IMMP2L: variants seen among roughly 807,000 people sequenced by gnomAD.
The protein encoded by IMMP2L is mitochondrial inner membrane protease subunit 2.
A neutral mutation model predicts 19.3 loss-of-function variants in IMMP2L; 18 were observed. The observed-to-expected ratio is 0.93, with a 90% CI of 0.64 to 1.38. The LOEUF is 1.38. IMMP2L is among the 40% of genes most tolerant of loss of function. The pLI is 0.00. For missense variants in IMMP2L, 233 were observed against 218.2 expected, an observed-to-expected ratio of 1.07 and a Z score of -0.43; for synonymous variants, 76 against 73.0, an observed-to-expected ratio of 1.04 and a Z score of -0.21.
At chr7:110,979,702 A>C (rs768098272) in intron 3 of IMMP2L, among the ~76,000 whole-genome samples, 5 of 152,056 alleles carry the variant, frequency 3.3e-5, no homozygotes, top group Non-Finnish European at 7.4e-5. Context: ...CAAAACAAAA[A>C]CAAAACCAAA....
At chr7:111,347,235 GT>G (rs995789245) in intron 3 of IMMP2L, among the ~76,000 whole-genome samples, 8 of 152,030 alleles carry the variant, frequency 5.3e-5, no homozygotes, top group African/African-American at 1.9e-4. Flanking sequence ...AATATGGAGT[GT>G]CAGCAGGGTA....
chr7:111,077,375 C>T (rs1226993611), intron 3 of IMMP2L, among the ~76,000 whole-genome samples: 2 of 152,168 alleles, frequency 1.3e-5, no homozygotes, highest in Non-Finnish European at 2.9e-5. Context: ...GGGCAACTTG[C>T]TCTTCTCTCG....
rs377752873 is a variant in IMMP2L at position 110,702,711 on chromosome 7, T to C, written c.409-38990A>G. 3.9e-5 allele frequency among the ~76,000 whole-genome samples: 6 copies of C among 152,300 alleles called. No homozygotes were observed. The East Asian group carries it at 9.7e-4, about 25-fold the overall frequency. On this transcript the variant is annotated intron_variant, in intron 5 of 5. Coordinates refer to ENST00000405709, the MANE Select transcript of IMMP2L (RefSeq NM_032549.4). ...ATGATTTAACATTTTCAATTTTCAA[T>C]TGTTTATTGCTAGTATAGAGAAACA... is the stretch of plus-strand genomic sequence containing the variant.
intron 3 of IMMP2L, among the ~76,000 whole-genome samples, chr7:110,967,299 T>C (rs1301075751): frequency 7.9e-5 from 12 of 152,006 alleles, no homozygotes; most frequent in African/African-American, 2.4e-4. Context: ...TTCACCCTGT[T>C]GGGAGCACTT....
At chr7:111,052,564 T>C (rs571178043) in intron 3 of IMMP2L, among the ~76,000 whole-genome samples, 2 of 152,332 alleles carry the variant, frequency 1.3e-5, no homozygotes, top group Non-Finnish European at 1.5e-5. Context: ...ATGTATACCT[T>C]ACTGTATTGA....
chr7:111,317,321 A>C (rs1257972806), intron 3 of IMMP2L, among the ~76,000 whole-genome samples: 1 of 152,166 alleles, frequency 6.6e-6, no homozygotes, highest in Non-Finnish European at 1.5e-5. Flanking sequence ...AAATAAATGA[A>C]GATTCTAATT....
At chr7:111,506,975 G>A (rs998518032) in intron 2 of IMMP2L, among the ~76,000 whole-genome samples, 6 of 152,062 alleles carry the variant, frequency 3.9e-5, no homozygotes, top group Non-Finnish European at 5.9e-5. Context: ...CCAAGTAGCT[G>A]GGACTACAGG....
chr7:110,969,384 C>A (rs1819901306), intron 3 of IMMP2L, among the ~76,000 whole-genome samples: 1 of 151,948 alleles, frequency 6.6e-6, no homozygotes, highest in Non-Finnish European at 1.5e-5. Context: ...AAACTATAGA[C>A]TTTAGTTGTT....
intron 3 of IMMP2L, among the ~76,000 whole-genome samples, chr7:111,035,012 TAC>T (rs554675370): frequency 1.9e-4 from 29 of 152,278 alleles, no homozygotes; most frequent in Admixed American, 1.5e-3. Context: ...CCTGTATGGT[TAC>T]AGTTTTTTAA....
chr7:111,507,545 T>TTTC (rs1845042894), intron 2 of IMMP2L, among the ~76,000 whole-genome samples: 1 of 152,112 alleles, frequency 6.6e-6, no homozygotes, highest in Non-Finnish European at 1.5e-5. Context: ...CTATTAACAG[T>TTTC]TGTTTGCCAT....
At chr7:111,028,951 C>T (rs1827132376) in intron 3 of IMMP2L, among the ~76,000 whole-genome samples, 1 of 152,112 alleles carries the variant, frequency 6.6e-6, no homozygotes. Context: ...ATCAGAAATA[C>T]ATCTAATGGA....
At chr7:110,831,241 T>C (rs1315349388) in intron 5 of IMMP2L, among the ~76,000 whole-genome samples, 1 of 152,156 alleles carries the variant, frequency 6.6e-6, no homozygotes, top group Non-Finnish European at 1.5e-5. Context: ...TCATCTTTCT[T>C]CTGCCTCCAT....
In IMMP2L at chr7:111,476,158, A is replaced by C. The variant is rs116683441; in HGVS notation, c.239+11080T>G. Among the ~76,000 whole-genome samples, 1,345 of 152,294 alleles carry C rather than the reference A, an allele frequency of 8.8e-3. 24 individuals are homozygous for C. The highest frequency in any genetic ancestry group is 0.031 in the African/African-American group (1,269 of 41,576). ...ATGCAATTGATCCAAGGAACAGTTA[A>C]AGTAACCTGTGCAGGGTCACTCAGC... On this transcript the variant is annotated intron_variant, in intron 3 of 5. Transcript: ENST00000405709.
At chr7:111,353,256 G>A (rs1828368109) in intron 3 of IMMP2L, among the ~76,000 whole-genome samples, 1 of 152,092 alleles carries the variant, frequency 6.6e-6, no homozygotes, top group South Asian at 2.1e-4. Flanking sequence ...ACTAAAGGGA[G>A]CTTCTATCAT....
At chr7:111,080,170 G>A (rs142586763) in intron 3 of IMMP2L, among the ~76,000 whole-genome samples, 1 of 152,294 alleles carries the variant, frequency 6.6e-6, no homozygotes, top group Non-Finnish European at 1.5e-5. Flanking sequence ...GATGCTTGGT[G>A]TTAATTGAAA....
At chr7:111,435,498 G>T (rs1837070064) in intron 3 of IMMP2L, among the ~76,000 whole-genome samples, 1 of 151,730 alleles carries the variant, frequency 6.6e-6, no homozygotes, top group Non-Finnish European at 1.5e-5. Context: ...CATACAGAGT[G>T]GAACAATGGA....
chr7:111,019,250 G>A (rs555970364), intron 3 of IMMP2L, among the ~76,000 whole-genome samples: 2 of 152,226 alleles, frequency 1.3e-5, no homozygotes, highest in Non-Finnish European at 2.9e-5. Context: ...GGGAACTAAA[G>A]GTGACTGTGA....
chr7:111,058,769 C>T (rs1274456644), intron 3 of IMMP2L, among the ~76,000 whole-genome samples: 2 of 152,110 alleles, frequency 1.3e-5, no homozygotes, highest in African/African-American at 4.8e-5. Flanking sequence ...AAAACACCCA[C>T]CCCCAACAAA....
chr7:111,539,131 AAAAG>A (rs1848175979), intron 1 of IMMP2L, among the ~76,000 whole-genome samples: 1 of 101,758 alleles, frequency 9.8e-6, no homozygotes, highest in African/African-American at 4.4e-5. Context: ...AAAAGAAAAG[AAAAG>A]GAAGGAAGGA....
Sources: gnomAD v4.1 joint callset for allele counts (sites outside exome capture counted in the v4.1 genomes callset) on GRCh38, gnomAD v4.1.1 for gene constraint, MANE v1.5 for transcripts, NCBI Gene and HGNC (gene_info 2026-07-23, HGNC 2026-07-21) for gene names.